The following CADPS variants were observed in gnomAD, a reference collection of about 807,000 sequenced individuals.
CADPS encodes calcium-dependent secretion activator 1.
A neutral mutation model predicts 167.3 loss-of-function variants in CADPS; 57 were observed. The ratio of observed to expected loss-of-function variants is 0.34; its 90% CI spans 0.28 to 0.42. The LOEUF (loss-of-function observed/expected upper bound fraction) is 0.42. Among genes scored for constraint, CADPS ranks in the 20% least tolerant of loss-of-function variants. The pLI, the probability that CADPS is intolerant of heterozygous loss-of-function variation, is 1.00. For missense variants in CADPS, 1,414 were observed against 1,738.1 expected, an observed-to-expected ratio of 0.81 and a Z score of 3.32; for synonymous variants, 676 against 635.3, an observed-to-expected ratio of 1.06 and a Z score of -0.96.
intron 6 of CADPS, among the ~76,000 whole-genome samples, chr3:62,596,742 CATA>C (rs1382254242): frequency 1.3e-5 from 2 of 152,178 alleles, no homozygotes; most frequent in Non-Finnish European, 2.9e-5. Flanking sequence ...CTACCCAACA[CATA>C]TTTATCAAGC....
At chr3:62,738,214 G>T (rs1014988661) in intron 3 of CADPS, among the ~76,000 whole-genome samples, 1 of 152,118 alleles carries the variant, frequency 6.6e-6, no homozygotes, top group Non-Finnish European at 1.5e-5. Context: ...AACATTTTAA[G>T]ATGGAAAAGC....
chr3:62,624,373 G>A (rs1404251400), intron 6 of CADPS, among the ~76,000 whole-genome samples: 1 of 151,964 alleles, frequency 6.6e-6, no homozygotes, highest in Non-Finnish European at 1.5e-5. Context: ...TCCAGCTGTT[G>A]GTGAGTTGCA....
chr3:62,751,165 A>G (rs2082611127), intron 3 of CADPS, among the ~76,000 whole-genome samples: 1 of 152,194 alleles, frequency 6.6e-6, no homozygotes, highest in African/African-American at 2.4e-5. Context: ...AATGGGTATT[A>G]TATGTTGTGA....
chr3:62,626,420 A>T (rs2064095798), intron 6 of CADPS: 1 of 680,254 alleles, frequency 1.5e-6, no homozygotes, highest in African/African-American at 1.8e-5. Context: ...GGAAATACAC[A>T]GACTATAGTG....
chr3:62,413,589 T>C (rs1214053308), intron 28 of CADPS, among the ~76,000 whole-genome samples: 1 of 152,106 alleles, frequency 6.6e-6, no homozygotes, highest in Admixed American at 6.5e-5. Context: ...AGTAGAACAG[T>C]GTTACCAGGG....
rs753627499 is a variant in CADPS, at chr3:62,592,662, G to C, written c.1412C>G (p.Ala471Gly). 6.2e-7 allele frequency: 1 copy of C among 1,613,712 alleles called. No individual in the cohort carries two copies. The highest frequency in any genetic ancestry group is 8.5e-7 in the Non-Finnish European group (1 of 1,179,744). Reference sequence around the variant, plus strand: ...CCGCCCAAGCTCCTTGTCCTCCAACGCCAGGACGCCTGTGCTCTCTGTGAA... The same window carrying C: ...CCGCCCAAGCTCCTTGTCCTCCAACCCCAGGACGCCTGTGCTCTCTGTGAA... ...KLFTESTGVL[A>G]LEDKELGRVI... Residue 471 changes from alanine (A) to glycine (G), a missense_variant, in exon 7 of 30, where the codon GCG becomes GGG. Physicochemically the swap from Ala to Gly is moderately conservative, Grantham distance 60. This residue lies in a region of CADPS where 157 missense variants were observed against 229.4 expected (regional missense o/e 0.68). Coordinates refer to ENST00000383710, the MANE Select transcript of CADPS (RefSeq NM_003716.4).
chr3:62,791,247 T>C (rs1487183070), intron 1 of CADPS, among the ~76,000 whole-genome samples: 2 of 152,204 alleles, frequency 1.3e-5, no homozygotes, highest in Non-Finnish European at 2.9e-5. Context: ...ATCTGCACTG[T>C]ACAATATGGT....
In CADPS at chr3:62,413,126, C is replaced by T. The variant is rs551443900; in HGVS notation, c.3778-9941G>A. Among the ~76,000 whole-genome samples, 9 of 152,264 alleles carry T rather than the reference C, an allele frequency of 5.9e-5. No individual in the cohort carries two copies. In the South Asian group the frequency reaches 1.9e-3, roughly 32 times the overall value. On this transcript the variant is annotated intron_variant, in intron 28 of 29. Transcript: ENST00000383710. ...CAACTCATTGATACCAACTTAAAGA[C>T]ACGAAGGCACAAGATGGGAAAGCAG...
chr3:62,577,542 A>G (rs1277556084), intron 8 of CADPS, among the ~76,000 whole-genome samples: 1 of 152,190 alleles, frequency 6.6e-6, no homozygotes, highest in African/African-American at 2.4e-5. Context: ...GCCCAGCAAG[A>G]AGAAGCATGG....
At chr3:62,684,739 T>C (rs1332172501) in intron 3 of CADPS, among the ~76,000 whole-genome samples, 1 of 152,014 alleles carries the variant, frequency 6.6e-6, no homozygotes, top group Non-Finnish European at 1.5e-5. Context: ...GGTGAGTGTC[T>C]TCCCTGGTTT....
At chr3:62,415,401 A>G (rs1287077585) in intron 28 of CADPS, among the ~76,000 whole-genome samples, 2 of 152,088 alleles carry the variant, frequency 1.3e-5, no homozygotes, top group East Asian at 3.9e-4. Context: ...GTTCACACTC[A>G]TATTTTACAT....
intron 8 of CADPS, among the ~76,000 whole-genome samples, chr3:62,574,287 T>C (rs199595870): frequency 5.3e-5 from 8 of 151,826 alleles, no homozygotes; most frequent in Non-Finnish European, 1.2e-4. Flanking sequence ...TATGGCAGGG[T>C]TTTAAGAATG....
chr3:62,811,222 C>T (rs563471172), intron 1 of CADPS, among the ~76,000 whole-genome samples: 1 of 152,218 alleles, frequency 6.6e-6, no homozygotes, highest in East Asian at 1.9e-4. Flanking sequence ...AGTAGCCTAA[C>T]ATTTTTACTT....
intron 6 of CADPS, among the ~76,000 whole-genome samples, chr3:62,605,421 A>G (rs2060567297): frequency 6.6e-6 from 1 of 152,248 alleles, no homozygotes; most frequent in Non-Finnish European, 1.5e-5. Context: ...GATCTCAGAC[A>G]CATTTATTAG....
In CADPS at chr3:62,399,890, TG is replaced by T. The variant is rs2148985803; in HGVS notation, c.3883-306del. ...TTCCATAATTGTTTTGGTTCCTTTTTGTGGACTGGTTCTTTCTCTTAGGTTA... is the reference window on the plus strand; with the variant it reads ...TTCCATAATTGTTTTGGTTCCTTTTTTGGACTGGTTCTTTCTCTTAGGTTA... On this transcript the variant is annotated intron_variant, in intron 29 of 29. Coordinates refer to ENST00000383710, the MANE Select transcript of CADPS (RefSeq NM_003716.4). The surrounding 1 kb of genome is among the most constrained non-coding windows in gnomAD (Gnocchi z 5.6). 6.6e-6 allele frequency among the ~76,000 whole-genome samples: 1 copy of T among 152,374 alleles called. No individual in the cohort carries two copies. The highest frequency in any genetic ancestry group is 1.5e-5 in the Non-Finnish European group (1 of 68,036).
chr3:62,455,667 GC>G lies in CADPS; in HGVS notation c.3636+9699del, dbSNP rs1167259580. 6.6e-6 allele frequency among the ~76,000 whole-genome samples: 1 copy of G among 152,144 alleles called. No homozygotes were observed. Among genetic ancestry groups the G allele is most frequent in the Non-Finnish European group, 1.5e-5 (1 of 68,020 alleles). On this transcript the variant is annotated intron_variant, in intron 26 of 29. Transcript: ENST00000383710. The surrounding 1 kb of genome is among the most constrained non-coding windows in gnomAD (Gnocchi z 4.4). ...TTGCGGATTTTAAGTGGGGGCCCCT[GC>G]CCCCTTCTGGCATTTTTGTGTTTTG...
intron 2 of CADPS, among the ~76,000 whole-genome samples, chr3:62,759,437 T>C (rs1197042462): frequency 6.6e-6 from 1 of 152,292 alleles, no homozygotes; most frequent in East Asian, 1.9e-4. Context: ...GATATATGGT[T>C]ATAATGGACC....
intron 2 of CADPS, among the ~76,000 whole-genome samples, chr3:62,762,749 G>A (rs1315152925): frequency 6.6e-6 from 1 of 151,996 alleles, no homozygotes; most frequent in African/African-American, 2.4e-5. Context: ...GAGCGTCTGA[G>A]GATTTTGTAT....
chr3:62,735,037 G>A (rs2078712661), intron 3 of CADPS, among the ~76,000 whole-genome samples: 1 of 152,076 alleles, frequency 6.6e-6, no homozygotes, highest in African/African-American at 2.4e-5. Flanking sequence ...ATACTTCTAG[G>A]TATGTTCCCT....
Sources: allele counts gnomAD v4.1 joint callset (sites outside exome capture counted in the v4.1 genomes callset), GRCh38; gene constraint gnomAD v4.1.1; regional missense constraint gnomAD v4.1.1; non-coding constraint Gnocchi (gnomAD v3.1); transcripts MANE v1.5; gene names NCBI Gene and HGNC (gene_info 2026-07-23, HGNC 2026-07-21).